Variants in WDR37 observed in about 807,000 individuals in gnomAD.
WDR37 encodes WD repeat domain 37.
Under a neutral mutation model 62.9 loss-of-function variants are expected in WDR37, and 19 were observed. That is an observed-to-expected ratio of 0.30 (90% CI 0.21 to 0.44). The LOEUF is 0.44. WDR37 is among the 20% of genes least tolerant of loss of function. The pLI, the probability that WDR37 is intolerant of heterozygous loss-of-function variation, is 1.00. For missense variants in WDR37, 474 were observed against 657.6 expected (o/e 0.72, Z 3.05); for synonymous variants, 250 against 260.9 (o/e 0.96, Z 0.40).
At chr10:1,059,816 G>C (rs1316115228) in intron 1 of WDR37, among the ~76,000 whole-genome samples, 1 of 152,128 alleles carries the variant, frequency 6.6e-6, no homozygotes, top group Non-Finnish European at 1.5e-5. Context: ...ATATATAAAA[G>C]AATCTTTTGA....
chr10:1,069,390 T>TATATATATATATATATATA (rs1491098746), intron 1 of WDR37, among the ~76,000 whole-genome samples: 46 of 47,038 alleles, frequency 9.8e-4, no homozygotes, highest in Non-Finnish European at 1.3e-3. Context: ...TATATATATA[T>TATATATATATATATATATA]TTTTTTTTTT....
rs1317257345 is a variant in WDR37 at position 1,131,927 on chromosome 10, G to A, written c.*2583G>A. ...GCAAAGCAACTCTTTTTCAACCACT[G>A]CTCATCAGTTTCTGTAGAGACAAAA... On this transcript the variant is annotated 3_prime_UTR_variant, in exon 14 of 14. Transcript: ENST00000263150. 2 of 152,604 alleles carry A rather than the reference G, an allele frequency of 1.3e-5. No individual in the cohort carries two copies. The highest frequency in any genetic ancestry group is 4.8e-5 in the African/African-American group (2 of 41,436). 9.5% of individuals were successfully genotyped at this position (152,604 alleles called of 1,614,324 possible). A position where few individuals can be genotyped will look rare whatever the true frequency, so the allele number is the denominator to read the frequency against.
chr10:1,099,376 G>A (rs1251222823), intron 9 of WDR37, among the ~76,000 whole-genome samples: 2 of 152,242 alleles, frequency 1.3e-5, no homozygotes, highest in African/African-American at 4.8e-5. Context: ...GTATTGGGCT[G>A]TGATTGTTGC....
At position 1,078,118 on chromosome 10, in the gene WDR37, TA is replaced by T; in HGVS notation, c.235+116del. The T allele has an allele frequency of 4.0e-6, 3 of 740,908 alleles. No homozygotes were observed. The South Asian group carries it at 7.0e-5, about 17-fold the overall frequency. 45.9% of individuals were successfully genotyped at this position (740,908 alleles called of 1,614,324 possible). On this transcript the variant is annotated intron_variant, in intron 3 of 13. Coordinates refer to ENST00000263150, the MANE Select transcript of WDR37 (RefSeq NM_014023.4). ...TGTTCTGCTGTAGCAAACTTAAACT[TA>T]TTTTAGTGGCTTAAACTAACACAGA...
At position 1,103,494 on chromosome 10, in the gene WDR37, A is replaced by T. The variant is rs979163438; in HGVS notation, c.727-108A>T. 1 of 1,182,454 alleles carries T rather than the reference A, an allele frequency of 8.5e-7. No individual in the cohort carries two copies. Among genetic ancestry groups the T allele is most frequent in the Non-Finnish European group, 1.2e-6 (1 of 836,540 alleles). The allele number at this position is 1,182,454 out of a possible 1,614,324, so 73.2% of individuals were successfully genotyped here. A position where few individuals can be genotyped will look rare whatever the true frequency, so the allele number is the denominator to read the frequency against. ...CTCCTAGTGGTGACCATCATGATGG[A>T]TATGTCCTCAAGAGATTAATGAGAA... On this transcript the variant is annotated intron_variant, in intron 9 of 13. Transcript: ENST00000263150. This position sits in a 1 kb window ranked among gnomAD's most constrained non-coding sequence, Gnocchi z 6.3.
intron 7 of WDR37, among the ~76,000 whole-genome samples, chr10:1,091,983 A>G (rs1834403635): frequency 6.7e-6 from 1 of 148,194 alleles, no homozygotes; most frequent in Non-Finnish European, 1.5e-5. Context: ...GATTGAGACC[A>G]TCTTGGCTAA....
At chr10:1,102,702 GC>G (rs1256903471) in intron 9 of WDR37, among the ~76,000 whole-genome samples, 1 of 152,172 alleles carries the variant, frequency 6.6e-6, no homozygotes, top group African/African-American at 2.4e-5. Flanking sequence ...CCCCCACCAG[GC>G]CCGGCCTCCA....
In WDR37 at chr10:1,072,041, CATT is replaced by C. The variant is rs370850428; in HGVS notation, c.-40-72_-40-70del. 4.0e-4 allele frequency: 472 copies of C among 1,188,826 alleles called. No homozygotes were observed. The African/African-American group carries it at 6.5e-3, about 16-fold the overall frequency. The allele number at this position is 1,188,826 out of a possible 1,614,324, so 73.6% of individuals were successfully genotyped here. ...AAGGAAGCTTGTAATTAGAAGTCAT[CATT>C]ATCTTCTTCACTGTTTTTCTTTTGT... On this transcript the variant is annotated intron_variant, in intron 1 of 13. Coordinates refer to ENST00000263150, the MANE Select transcript of WDR37 (RefSeq NM_014023.4).
Position 1,103,876 on chromosome 10 carries a change from A to G in WDR37, c.961+40A>G, listed in dbSNP as rs373993669. 3.8e-5 allele frequency: 61 copies of G among 1,589,362 alleles called. No homozygotes were observed. The highest frequency in any genetic ancestry group is 2.4e-4 in the Admixed American group (14 of 57,558). The stretch of plus-strand genomic sequence containing the variant: ...TGAGTCCGCCGCCTCCTGGCTGTGC[A>G]TGTTAGTTTATGTCCATGGGTTATG... On this transcript the variant is annotated intron_variant, in intron 10 of 13. Coordinates refer to ENST00000263150, the MANE Select transcript of WDR37 (RefSeq NM_014023.4). The surrounding 1 kb of genome is among the most constrained non-coding windows in gnomAD (Gnocchi z 6.3).
intron 2 of WDR37, 135 bp downstream of exon 2, chr10:1,072,428 C>G: frequency 4.9e-6 from 6 of 1,217,558 alleles, no homozygotes; most frequent in Non-Finnish European, 6.9e-6. Flanking sequence ...GATTCTCCTG[C>G]CTCAGCCTAC....
chr10:1,098,794 C>T lies in WDR37; in HGVS notation c.726+2548C>T, dbSNP rs565555347. On this transcript the variant is annotated intron_variant, in intron 9 of 13. Transcript: ENST00000263150. ...AATTTCTGTTTTTGAAGCCTTTTGGCCTGTAGTCTTGTGTTTTGGCAGCCT... is the reference window on the plus strand; with the variant it reads ...AATTTCTGTTTTTGAAGCCTTTTGGTCTGTAGTCTTGTGTTTTGGCAGCCT... 1.1e-4 allele frequency among the ~76,000 whole-genome samples: 16 copies of T among 152,322 alleles called. 1 individual carries two copies. The South Asian group carries it at 2.3e-3, about 22-fold the overall frequency.
intron 5 of WDR37, among the ~76,000 whole-genome samples, chr10:1,081,338 T>C (rs1810112620): frequency 6.6e-6 from 1 of 152,262 alleles, no homozygotes; most frequent in African/African-American, 2.4e-5. Flanking sequence ...TGTATGCATC[T>C]GTACTTTGGC....
chr10:1,105,373 A>G lies in WDR37; in HGVS notation c.1103+106A>G, dbSNP rs147451144. ...AATTTTCAGTATTTCCGACTCTACT[A>G]TCTTTCAAAAAAATAACTACCTTTC... On this transcript the variant is annotated intron_variant, in intron 11 of 13. Transcript: ENST00000263150. This position sits in a 1 kb window ranked among gnomAD's most constrained non-coding sequence, Gnocchi z 5.3. 5 of 1,350,296 alleles carry G rather than the reference A, an allele frequency of 3.7e-6. No individual in the cohort carries two copies. The highest frequency in any genetic ancestry group is 3.0e-5 in the African/African-American group (2 of 67,770). The allele number at this position is 1,350,296 out of a possible 1,614,324, so 83.6% of individuals were successfully genotyped here.
intron 8 of WDR37, among the ~76,000 whole-genome samples, chr10:1,095,787 G>A (rs527415124): frequency 6.6e-6 from 1 of 152,310 alleles, no homozygotes; most frequent in East Asian, 1.9e-4. Context: ...AATGGATGGA[G>A]ATGAGTGTCG....
chr10:1,110,668 T>C (rs1489294763), intron 11 of WDR37, among the ~76,000 whole-genome samples: 2 of 152,236 alleles, frequency 1.3e-5, no homozygotes, highest in Non-Finnish European at 2.9e-5. Flanking sequence ...TGGTCACTTG[T>C]CTGGGACGTT....
At chr10:1,063,414 G>C (rs558362655) in intron 1 of WDR37, among the ~76,000 whole-genome samples, 1 of 152,190 alleles carries the variant, frequency 6.6e-6, no homozygotes, top group South Asian at 2.1e-4. Flanking sequence ...AGAACTTTTC[G>C]GCGGTAAGTA....
chr10:1,123,583 C>T (rs1486897150), intron 11 of WDR37, among the ~76,000 whole-genome samples: 2 of 152,304 alleles, frequency 1.3e-5, no homozygotes, highest in East Asian at 1.9e-4. Context: ...GTGTACACGC[C>T]GCATTAAATC....
chr10:1,082,266 C>T (rs574432478), intron 5 of WDR37, among the ~76,000 whole-genome samples: 66 of 152,240 alleles, frequency 4.3e-4, no homozygotes, highest in Middle Eastern at 3.4e-3. Flanking sequence ...CCCAGAGCCA[C>T]GAAAAGCAAG....
At chr10:1,112,061 CTAT>C (rs1407670404) in intron 11 of WDR37, among the ~76,000 whole-genome samples, 1 of 152,154 alleles carries the variant, frequency 6.6e-6, no homozygotes, top group Non-Finnish European at 1.5e-5. Flanking sequence ...GCCTTGGTGG[CTAT>C]TTCTTACACC....
Sources: gnomAD v4.1 joint callset for allele counts (sites outside exome capture counted in the v4.1 genomes callset) on GRCh38, gnomAD v4.1.1 for gene constraint, Gnocchi (gnomAD v3.1) non-coding constraint, MANE v1.5 for transcripts, NCBI Gene and HGNC (gene_info 2026-07-23, HGNC 2026-07-21) for gene names.